SPO11: variants seen among roughly 807,000 people sequenced by gnomAD.
The protein encoded by SPO11 is SPO11 initiator of meiotic double strand breaks.
A neutral mutation model predicts 51.6 loss-of-function variants in SPO11; 49 were observed. The ratio of observed to expected loss-of-function variants is 0.95; its 90% CI spans 0.75 to 1.20. The LOEUF (loss-of-function observed/expected upper bound fraction) is 1.20. SPO11 is among the 50% of genes most tolerant of loss of function. The pLI is 0.00. For synonymous variants in SPO11, 176 were observed against 158.2 expected, an observed-to-expected ratio of 1.11 and a Z score of -0.84; for missense variants, 431 against 473.4, an observed-to-expected ratio of 0.91 and a Z score of 0.83.
chr20:57,341,135 C>G (rs2066576858), intron 11 of SPO11, among the ~76,000 whole-genome samples: 1 of 152,248 alleles, frequency 6.6e-6, no homozygotes, highest in East Asian at 1.9e-4. Context: ...CAATAAAGTA[C>G]ATTTCTTATT....
chr20:57,340,010 C>T, intron 10 of SPO11, 92 bp from the exon 11 acceptor site: 1 of 837,452 alleles, frequency 1.2e-6, no homozygotes, highest in Non-Finnish European at 2.0e-6. Context: ...AGTACTTGTC[C>T]TTCTTAATAA....
Position 57,329,903 on chromosome 20 carries a change from C to T in SPO11, c.36C>T (p.Phe12=), listed in dbSNP as rs919931130. 6.2e-7 allele frequency: 1 copy of T among 1,613,890 alleles called. No individual in the cohort carries two copies. The highest frequency in any genetic ancestry group is 1.7e-5 in the Admixed American group (1 of 60,032). Residue 12 remains phenylalanine, a synonymous_variant, in exon 1 of 13, where the codon TTC becomes TTT. Transcript: ENST00000371263. ...CACCTATGGGGCCCGAGGCCTCGTT[C>T]TTCGACGTTTTGGACCGACACAGGG... The part of the protein sequence containing the change: ...AFAPMGPEAS[F]FDVLDRHRES...
intron 5 of SPO11, among the ~76,000 whole-genome samples, chr20:57,334,447 C>T (rs1333271944): frequency 2.6e-5 from 4 of 152,300 alleles, no homozygotes; most frequent in Non-Finnish European, 5.9e-5. Context: ...AGCCACCGCG[C>T]CCAGACAAAA....
At chr20:57,341,214 C>T (rs1482878707) in intron 11 of SPO11, among the ~76,000 whole-genome samples, 1 of 152,136 alleles carries the variant, frequency 6.6e-6, no homozygotes, top group East Asian at 1.9e-4. Context: ...CCCTCATAGC[C>T]ATTTAAGTGG....
At chr20:57,342,901 C>A in intron 12 of SPO11, 61 bp downstream of exon 12, 1 of 1,114,486 alleles carries the variant, frequency 9.0e-7, no homozygotes, top group Non-Finnish European at 1.3e-6. Flanking sequence ...TTAGTAGTGG[C>A]TATTCACATC....
intron 11 of SPO11, among the ~76,000 whole-genome samples, chr20:57,342,524 GA>G (rs1480497487): frequency 1.3e-5 from 2 of 152,194 alleles, no homozygotes; most frequent in Non-Finnish European, 2.9e-5. Flanking sequence ...TCTTACTGTG[GA>G]AACACAAACT....
rs899326293 is a variant in SPO11, at chr20:57,343,518, G to A, written c.*58G>A. Reference sequence around the variant, plus strand: ...GCTTTTCATTAGTTTTGTTTTGATTGGCAAATACTATTGTGGAAAGAACAT... The same window carrying A: ...GCTTTTCATTAGTTTTGTTTTGATTAGCAAATACTATTGTGGAAAGAACAT... On this transcript the variant is annotated 3_prime_UTR_variant, in exon 13 of 13. Transcript: ENST00000371263. The A allele has an allele frequency of 1.6e-5, 24 of 1,505,176 alleles. No individual in the cohort carries two copies. The highest frequency in any genetic ancestry group is 4.5e-5 in the Admixed American group (2 of 44,264). The allele number at this position is 1,505,176 out of a possible 1,614,324, so 93.2% of individuals were successfully genotyped here. A position where few individuals can be genotyped will look rare whatever the true frequency, so the allele number is the denominator to read the frequency against.
chr20:57,341,238 A>G (rs544591322), intron 11 of SPO11, among the ~76,000 whole-genome samples: 5 of 152,314 alleles, frequency 3.3e-5, no homozygotes, highest in African/African-American at 1.2e-4. Flanking sequence ...CCAAATCTCT[A>G]TTCTGATAGG....
intron 2 of SPO11, 75 bp from the exon 3 acceptor site, chr20:57,333,113 A>T: frequency 1.9e-6 from 2 of 1,064,532 alleles, no homozygotes; most frequent in Middle Eastern, 2.3e-4. Flanking sequence ...TGTGCAGAAG[A>T]CCATAAGTAT....
In SPO11 at chr20:57,331,836, T is replaced by G; in HGVS notation, c.135T>G (p.Ser45=). The G allele has an allele frequency of 6.4e-7, 1 of 1,557,880 alleles. No individual in the cohort carries two copies. Among genetic ancestry groups the G allele is most frequent in the Non-Finnish European group, 8.7e-7 (1 of 1,149,660 alleles). The change falls in exon 2 of 13, where the codon TCT becomes TCG. Residue 45 remains serine, a synonymous_variant. Coordinates refer to ENST00000371263, the MANE Select transcript of SPO11 (RefSeq NM_012444.3). The stretch of plus-strand genomic sequence containing the variant: ...CATGCTCTGTTTATTGTTTCAGTTC[T>G]GAGGTTCTTGCATCTATAGAAAATA... ...PTGGSRLASS[S]EVLASIENII...
chr20:57,342,693 C>G (rs377412083), intron 11 of SPO11, 36 bp from the exon 12 acceptor site: 206 of 1,390,952 alleles, frequency 1.5e-4, no homozygotes, highest in Non-Finnish European at 2.0e-4. Flanking sequence ...TACAGAAACA[C>G]TTTTTTACTG....
intron 8 of SPO11, 137 bp from the exon 9 acceptor site, chr20:57,338,139 C>T: frequency 1.5e-6 from 1 of 667,986 alleles, no homozygotes; most frequent in Non-Finnish European, 2.5e-6. Context: ...GATCCCCCTA[C>T]CTTGGCCTCC....
chr20:57,331,119 GAAC>G (rs886164502), intron 1 of SPO11, among the ~76,000 whole-genome samples: 4 of 152,138 alleles, frequency 2.6e-5, no homozygotes, highest in Non-Finnish European at 5.9e-5. Context: ...GTTTATAACA[GAAC>G]AACATTTTTT....
chr20:57,339,056 T>C, intron 10 of SPO11, 30 bp downstream of exon 10: 1 of 1,377,264 alleles, frequency 7.3e-7, no homozygotes, highest in South Asian at 1.3e-5. Context: ...TTTCCTTTTT[T>C]ATTATTTAGA....
intron 11 of SPO11, among the ~76,000 whole-genome samples, chr20:57,341,968 A>C (rs1448358279): frequency 6.6e-6 from 1 of 152,196 alleles, no homozygotes; most frequent in East Asian, 1.9e-4. Context: ...TGTCACCCCT[A>C]TCCAAGAACT....
intron 2 of SPO11, among the ~76,000 whole-genome samples, chr20:57,332,507 G>A (rs552323353): frequency 8.5e-5 from 13 of 152,260 alleles, no homozygotes; most frequent in African/African-American, 3.1e-4. Context: ...GTTTTTTCCA[G>A]CCTCTCATAT....
intron 10 of SPO11, among the ~76,000 whole-genome samples, 181 bp downstream of exon 10, chr20:57,339,207 A>G (rs996893979): frequency 1.3e-5 from 2 of 152,078 alleles, no homozygotes; most frequent in Non-Finnish European, 2.9e-5. Context: ...AGCTCCCAGT[A>G]TGACCAGTGC....
At chr20:57,332,013 G>C (rs900616867) in intron 2 of SPO11, 67 bp downstream of exon 2, 19 of 981,590 alleles carry the variant, frequency 1.9e-5, no homozygotes, top group African/African-American at 5.1e-5. Context: ...ATTTGAATTA[G>C]AGTTCTGGTC....
In SPO11 at chr20:57,343,397, A is replaced by G. The variant is rs200430445; in HGVS notation, c.1128A>G (p.Leu376=). 4.1e-5 allele frequency: 66 copies of G among 1,611,594 alleles called. No individual in the cohort carries two copies. The East Asian group carries it at 5.8e-4, about 14-fold the overall frequency. ...MKAEIQALTF[L]SSDYLSRVYL... is the part of the protein sequence containing the mutation. ...CAGAAATTCAAGCTTTGACTTTCCTATCATCAGATTATCTTTCCAGAGTGT... is the reference window on the plus strand; with the variant it reads ...CAGAAATTCAAGCTTTGACTTTCCTGTCATCAGATTATCTTTCCAGAGTGT... Residue 376 remains leucine (L), a synonymous_variant, in exon 13 of 13, where the codon CTA becomes CTG. Transcript: ENST00000371263.
Sources: allele counts gnomAD v4.1 joint callset (sites outside exome capture counted in the v4.1 genomes callset), GRCh38; gene constraint gnomAD v4.1.1; transcripts MANE v1.5; gene names NCBI Gene and HGNC (gene_info 2026-07-23, HGNC 2026-07-21).